SHROOM3: variants seen among roughly 807,000 people sequenced by gnomAD.
SHROOM3 encodes protein Shroom3.
Under a neutral mutation model 138.6 loss-of-function variants are expected in SHROOM3, and 47 were observed. That is an observed-to-expected ratio of 0.34 (90% CI 0.27 to 0.43). The LOEUF is 0.43. Ranked by LOEUF, SHROOM3 falls within the 20% of genes least tolerant of loss-of-function variation. The pLI, the probability that SHROOM3 is intolerant of heterozygous loss-of-function variation, is 1.00. For synonymous variants in SHROOM3, 1,062 were observed against 1,063.3 expected (o/e 1.00, Z 0.02); for missense variants, 2,491 against 2,596.5 (o/e 0.96, Z 0.88).
At chr4:76,485,504 T>G (rs894755536) in intron 1 of SHROOM3, among the ~76,000 whole-genome samples, 1 of 152,244 alleles carries the variant, frequency 6.6e-6, no homozygotes, top group Non-Finnish European at 1.5e-5. Context: ...CACCTCTTTG[T>G]AGAAGCTTTG....
intron 2 of SHROOM3, among the ~76,000 whole-genome samples, chr4:76,694,449 T>C (rs1409834298): frequency 6.6e-6 from 1 of 152,220 alleles, no homozygotes; most frequent in East Asian, 1.9e-4. Context: ...ATTGATGTTA[T>C]TTTCTTAAAC....
At chr4:76,556,143 AT>A (rs111947896) in intron 2 of SHROOM3, among the ~76,000 whole-genome samples, 2,134 of 152,296 alleles carry the variant, frequency 0.014, 40 homozygotes, top group African/African-American at 0.049. Flanking sequence ...TTTCAGTGGC[AT>A]TTTGGGAACC....
intron 1 of SHROOM3, among the ~76,000 whole-genome samples, chr4:76,452,926 C>T (rs183347965): frequency 5.3e-5 from 8 of 152,250 alleles, no homozygotes; most frequent in Non-Finnish European, 1.0e-4. Context: ...CCATGTTGGC[C>T]AGGCTGGTCT....
At chr4:76,487,385 T>C (rs1731754568) in intron 1 of SHROOM3, among the ~76,000 whole-genome samples, 1 of 152,258 alleles carries the variant, frequency 6.6e-6, no homozygotes, top group African/African-American at 2.4e-5. Context: ...TTGGCTATTA[T>C]GAATAGTGCT....
intron 1 of SHROOM3, among the ~76,000 whole-genome samples, chr4:76,442,397 CTTTATAG>C: frequency 7.2e-6 from 1 of 139,294 alleles, no homozygotes; most frequent in South Asian, 2.5e-4. Flanking sequence ...TGATTGTGCC[CTTTATAG>C]TTTTTTTTTT....
In SHROOM3 at chr4:76,739,616, T is replaced by A. The variant is rs1158672943; in HGVS notation, c.1443T>A (p.Pro481=). 2 of 1,614,078 alleles carry A rather than the reference T, an allele frequency of 1.2e-6. No homozygotes were observed. Among genetic ancestry groups the A allele is most frequent in the African/African-American group, 2.7e-5 (2 of 74,926 alleles). ...PSLEPHFAQV[P]QPSVSSNGML... is the part of the protein sequence containing the mutation. Reference sequence around the variant, plus strand: ...TGGAGCCACACTTTGCCCAGGTGCCTCAGCCTTCTGTGAGTAGCAACGGTA... The same window carrying A: ...TGGAGCCACACTTTGCCCAGGTGCCACAGCCTTCTGTGAGTAGCAACGGTA... Residue 481 remains proline, a synonymous_variant, in exon 5 of 11, where the codon CCT becomes CCA. Coordinates refer to ENST00000296043, the MANE Select transcript of SHROOM3 (RefSeq NM_020859.4).
chr4:76,493,080 C>T lies in SHROOM3; in HGVS notation c.168+56860C>T, dbSNP rs560817496. Among the ~76,000 whole-genome samples the T allele has an allele frequency of 7.5e-4, 114 of 151,786 alleles. 1 individual carries two copies. Among genetic ancestry groups the T allele is most frequent in the Non-Finnish European group, 1.4e-3 (93 of 67,892 alleles). On this transcript the variant is annotated intron_variant, in intron 1 of 10. Transcript: ENST00000296043. Reference sequence around the variant, plus strand: ...TACTAAAAATACAAAAATTAGCTGGCCATGGTGGTGGGTGTCTGTAATCTC... The same window carrying T: ...TACTAAAAATACAAAAATTAGCTGGTCATGGTGGTGGGTGTCTGTAATCTC...
At chr4:76,489,341 GT>G (rs1327013905) in intron 1 of SHROOM3, among the ~76,000 whole-genome samples, 8 of 152,180 alleles carry the variant, frequency 5.3e-5, no homozygotes, top group African/African-American at 1.9e-4. Flanking sequence ...GCAGTTAAAA[GT>G]TAAAGATGTA....
At chr4:76,549,147 G>A (rs10005964) in intron 1 of SHROOM3, among the ~76,000 whole-genome samples, 52,429 of 151,990 alleles carry the variant, frequency 0.34, 9,452 homozygotes, top group East Asian at 0.41. Flanking sequence ...TGTAAACAAG[G>A]TTTTTTTAGT....
At chr4:76,459,957 C>A (rs1731108135) in intron 1 of SHROOM3, among the ~76,000 whole-genome samples, 1 of 152,038 alleles carries the variant, frequency 6.6e-6, no homozygotes, top group African/African-American at 2.4e-5. Flanking sequence ...TTCTTATTTA[C>A]AAGGTTCTTG....
At chr4:76,522,720 A>G (rs1026647533) in intron 1 of SHROOM3, among the ~76,000 whole-genome samples, 1 of 152,192 alleles carries the variant, frequency 6.6e-6, no homozygotes, top group African/African-American at 2.4e-5. Context: ...CCTGGGAGGC[A>G]GAGGTTGCAG....
rs146407828 is a variant in SHROOM3, at chr4:76,767,749, A to G, written c.5350-2877A>G. ...GGATTTTTAAATACAATGAGGCCAC[A>G]TGAAATAATAGTTTAATAAGGGTTT... On this transcript the variant is annotated intron_variant, in intron 9 of 10. Transcript: ENST00000296043. 1.2e-3 allele frequency among the ~76,000 whole-genome samples: 179 copies of G among 152,330 alleles called. 2 individuals are homozygous for G. The highest frequency in any genetic ancestry group is 4.1e-3 in the African/African-American group (170 of 41,582).
Position 76,756,647 on chromosome 4 carries a change from G to T in SHROOM3, c.4908G>T (p.Gln1636His). The T allele has an allele frequency of 2.5e-6, 4 of 1,613,516 alleles. No homozygotes were observed. Among genetic ancestry groups the T allele is most frequent in the Non-Finnish European group, 3.4e-6 (4 of 1,179,860 alleles). The part of the protein sequence containing the change: ...GSLGGQPAPI[Q>H]TQSLSHDPVS... ...TTGGTGGGCAGCCAGCACCCATCCA[G>T]ACTCAAAGCCTCAGCCATGATCCAG... Residue 1636 changes from glutamine to histidine, a missense_variant, in exon 8 of 11, where the codon CAG (glutamine) becomes CAT (histidine). This residue lies in a region of SHROOM3 where 470 missense variants were observed against 595.0 expected (regional missense o/e 0.79). Transcript: ENST00000296043.
chr4:76,478,816 G>A (rs953403465), intron 1 of SHROOM3, among the ~76,000 whole-genome samples: 1 of 152,172 alleles, frequency 6.6e-6, no homozygotes, highest in Non-Finnish European at 1.5e-5. Flanking sequence ...TGCAGACTCT[G>A]CTGGTGATAC....
intron 1 of SHROOM3, among the ~76,000 whole-genome samples, chr4:76,535,880 A>C (rs1579219972): frequency 6.6e-6 from 1 of 152,236 alleles, no homozygotes; most frequent in South Asian, 2.1e-4. Flanking sequence ...GGAAAAGCAA[A>C]TAAGTGTGTC....
At chr4:76,615,005 G>T (rs1734842959) in intron 2 of SHROOM3, among the ~76,000 whole-genome samples, 1 of 152,114 alleles carries the variant, frequency 6.6e-6, no homozygotes. Flanking sequence ...TGCCATTCTG[G>T]GAAAAATGAC....
At chr4:76,620,811 C>T (rs114184698) in intron 2 of SHROOM3, among the ~76,000 whole-genome samples, 1 of 152,194 alleles carries the variant, frequency 6.6e-6, no homozygotes, top group African/African-American at 2.4e-5. Flanking sequence ...TCCTGTGTAA[C>T]GTTCAGTCTT....
At chr4:76,534,377 A>G (rs1244837104) in intron 1 of SHROOM3, among the ~76,000 whole-genome samples, 2 of 152,170 alleles carry the variant, frequency 1.3e-5, no homozygotes, top group East Asian at 3.9e-4. Context: ...GTCACAGCCT[A>G]CTATGTGGCG....
At chr4:76,634,782 T>C (rs2110075957) in intron 2 of SHROOM3, among the ~76,000 whole-genome samples, 1 of 152,316 alleles carries the variant, frequency 6.6e-6, no homozygotes, top group Admixed American at 6.5e-5. Flanking sequence ...TATTTTATTA[T>C]ATAAGCAGGA....
Sources: gnomAD v4.1 joint callset for allele counts (sites outside exome capture counted in the v4.1 genomes callset) on GRCh38, gnomAD v4.1.1 for gene constraint, gnomAD v4.1.1 regional missense constraint, MANE v1.5 for transcripts, NCBI Gene and HGNC (gene_info 2026-07-23, HGNC 2026-07-21) for gene names.